NREP: variants seen among roughly 807,000 people sequenced by gnomAD.
NREP encodes neuronal regeneration related protein, also known as neuronal regeneration-related protein.
NREP carries 5 observed loss-of-function variants against 8.6 expected under a neutral mutation model. The ratio of observed to expected loss-of-function variants is 0.58; its 90% confidence interval spans 0.30 to 1.22. The LOEUF is 1.22. Among genes scored for constraint, NREP ranks in the 50% most tolerant of loss-of-function variants. NREP has a pLI of 0.07. For missense variants in NREP, 86 were observed against 82.5 expected, an observed-to-expected ratio of 1.04 and a Z score of -0.17; for synonymous variants, 27 against 28.0, an observed-to-expected ratio of 0.96 and a Z score of 0.11.
chr5:111,754,251 G>C (rs1750561374), intron 2 of NREP, among the ~76,000 whole-genome samples: 1 of 152,142 alleles, frequency 6.6e-6, no homozygotes, highest in African/African-American at 2.4e-5. Context: ...CTCAGCTTTG[G>C]CAGGCATGCT....
At chr5:111,966,211 G>C (rs1289987346) in intron 2 of NREP, among the ~76,000 whole-genome samples, 7 of 152,188 alleles carry the variant, frequency 4.6e-5, no homozygotes, top group South Asian at 4.1e-4. Context: ...TTTAATTTCA[G>C]CAAGAATTTG....
At chr5:111,761,685 A>G (rs1750963186), upstream of NREP, among the ~76,000 whole-genome samples, 1 of 152,132 alleles carries the variant, frequency 6.6e-6, no homozygotes, top group African/African-American at 2.4e-5. Flanking sequence ...TTCTCAACGA[A>G]ATCTTGATTT....
chr5:111,906,857 C>G (rs2112556866), intron 2 of NREP, among the ~76,000 whole-genome samples: 1 of 152,008 alleles, frequency 6.6e-6, no homozygotes, highest in Non-Finnish European at 1.5e-5. Context: ...TTAAATGAAA[C>G]TTTTTACTTA....
chr5:111,938,333 A>AT (rs1755739140), intron 2 of NREP, among the ~76,000 whole-genome samples: 1 of 152,230 alleles, frequency 6.6e-6, no homozygotes, highest in South Asian at 2.1e-4. Context: ...ACTGAACACA[A>AT]TTTAGATAAA....
intron 2 of NREP, among the ~76,000 whole-genome samples, chr5:111,861,476 GCTCC>G (rs1753541840): frequency 6.6e-6 from 1 of 152,074 alleles, no homozygotes; most frequent in East Asian, 1.9e-4. Flanking sequence ...GGCTAGATAG[GCTCC>G]AGTATTTCTT....
At chr5:111,938,174 G>C (rs1755734297) in intron 2 of NREP, among the ~76,000 whole-genome samples, 1 of 151,942 alleles carries the variant, frequency 6.6e-6, no homozygotes, top group Non-Finnish European at 1.5e-5. Context: ...CTCACCCAGG[G>C]CACTGGACTT....
At chr5:111,895,134 T>C (rs1394316168) in intron 2 of NREP, among the ~76,000 whole-genome samples, 1 of 152,228 alleles carries the variant, frequency 6.6e-6, no homozygotes, top group African/African-American at 2.4e-5. Flanking sequence ...CAAATCAATA[T>C]ACTTTCAATT....
intron 2 of NREP, among the ~76,000 whole-genome samples, chr5:111,868,442 T>C (rs1400188141): frequency 6.6e-6 from 1 of 152,188 alleles, no homozygotes; most frequent in Non-Finnish European, 1.5e-5. Flanking sequence ...AGTTGCAAAC[T>C]AGTGATTTTT....
At chr5:111,794,655 G>C (rs1751835142) in intron 2 of NREP, among the ~76,000 whole-genome samples, 1 of 152,122 alleles carries the variant, frequency 6.6e-6, no homozygotes, top group Admixed American at 6.5e-5. Context: ...AAAAATCAGT[G>C]GTTGCCAGGG....
At chr5:111,757,921 G>A (rs1469965199), upstream of NREP, 5 of 985,392 alleles carry the variant, frequency 5.1e-6, no homozygotes, top group Non-Finnish European at 6.0e-6. Flanking sequence ...GAGAGGCGGC[G>A]CGGCCCGTAC....
chr5:111,808,728 C>T (rs575912442), intron 2 of NREP, among the ~76,000 whole-genome samples: 70 of 152,162 alleles, frequency 4.6e-4, no homozygotes, highest in African/African-American at 1.5e-3. Context: ...GTTTGGGTAA[C>T]CCTCTGATGT....
At chr5:111,794,353 A>G (rs1222194636) in intron 2 of NREP, among the ~76,000 whole-genome samples, 1 of 152,232 alleles carries the variant, frequency 6.6e-6, no homozygotes, top group East Asian at 1.9e-4. Flanking sequence ...TTGTGTCTCC[A>G]TAAGAACCTG....
chr5:111,914,821 T>G (rs955655479), intron 2 of NREP, among the ~76,000 whole-genome samples: 4 of 152,110 alleles, frequency 2.6e-5, no homozygotes, highest in African/African-American at 7.2e-5. Context: ...ACGTTTGTCT[T>G]AGGTTGTTAG....
chr5:111,760,954 G>A (rs1486158956), upstream of NREP, among the ~76,000 whole-genome samples: 1 of 152,082 alleles, frequency 6.6e-6, no homozygotes. Context: ...ATATATTCCT[G>A]CAACTTTATT....
chr5:111,963,388 G>A (rs964230281), intron 2 of NREP, among the ~76,000 whole-genome samples: 1 of 152,208 alleles, frequency 6.6e-6, no homozygotes, highest in Non-Finnish European at 1.5e-5. Context: ...TTGACCATAA[G>A]CTACAGGCCT....
At chr5:111,878,419 T>C (rs1753963942) in intron 2 of NREP, among the ~76,000 whole-genome samples, 1 of 152,076 alleles carries the variant, frequency 6.6e-6, no homozygotes, top group African/African-American at 2.4e-5. Context: ...CAGGCACTTA[T>C]AAAACCATCA....
chr5:111,955,503 A>T (rs72786283), intron 2 of NREP, among the ~76,000 whole-genome samples: 1 of 52,992 alleles, frequency 1.9e-5, no homozygotes, highest in Non-Finnish European at 6.0e-5. Flanking sequence ...AAACAAAAAA[A>T]AAAAACACAT....
chr5:111,923,057 T>C (rs1755290294), intron 2 of NREP, among the ~76,000 whole-genome samples: 1 of 152,160 alleles, frequency 6.6e-6, no homozygotes, highest in Non-Finnish European at 1.5e-5. Context: ...TTCCTGATGG[T>C]ATTTCATGGG....
At chr5:111,969,825 C>G (rs1756752785) in intron 2 of NREP, among the ~76,000 whole-genome samples, 2 of 152,172 alleles carry the variant, frequency 1.3e-5, no homozygotes, top group South Asian at 2.1e-4. Context: ...GCTTGAGTAT[C>G]CCAGAAAGCT....
Sources: gnomAD v4.1 joint callset for allele counts (sites outside exome capture counted in the v4.1 genomes callset) on GRCh38, gnomAD v4.1.1 for gene constraint, MANE v1.5 for transcripts, NCBI Gene and HGNC (gene_info 2026-07-23, HGNC 2026-07-21) for gene names.